Variants in RASEF observed in about 807,000 individuals in gnomAD.
RASEF encodes the protein ras and EF-hand domain-containing protein.
RASEF carries 68 observed loss-of-function variants against 90.1 expected under a neutral mutation model. The ratio of observed to expected loss-of-function variants is 0.75; its 90% CI spans 0.62 to 0.92. The LOEUF (loss-of-function observed/expected upper bound fraction) is 0.92, where lower values mean the gene tolerates loss of function less well. RASEF is among the 40% of genes least tolerant of loss of function. RASEF has a pLI of 0.00. For synonymous variants in RASEF, 331 were observed against 345.2 expected (o/e 0.96, Z 0.46); for missense variants, 949 against 937.2 (o/e 1.01, Z -0.16).
chr9:83,056,405 C>T (rs1004276312), intron 1 of RASEF, among the ~76,000 whole-genome samples: 1 of 152,170 alleles, frequency 6.6e-6, no homozygotes, highest in Admixed American at 6.5e-5. Context: ...TCCCATTTCC[C>T]TCTTCTGACT....
At chr9:83,143,232 G>T in the RASEF span, among the ~76,000 whole-genome samples, 2 of 152,092 alleles carry the variant, frequency 1.3e-5, no homozygotes, top group Admixed American at 6.6e-5. Flanking sequence ...TTGACAAGTG[G>T]TACCTAATTA....
chr9:83,000,803 T>C, intron 10 of RASEF, 93 bp downstream of exon 10: 1 of 1,163,564 alleles, frequency 8.6e-7, no homozygotes, highest in Non-Finnish European at 1.2e-6. Flanking sequence ...CTATGACCTT[T>C]AAAACAGATT....
At chr9:82,998,939 C>T (rs1024977070) in intron 12 of RASEF, among the ~76,000 whole-genome samples, 1 of 152,048 alleles carries the variant, frequency 6.6e-6, no homozygotes. Context: ...TGTATATATA[C>T]ACACGTTAGT....
At chr9:83,102,244 T>C in the RASEF span, among the ~76,000 whole-genome samples, 382 of 152,168 alleles carry the variant, frequency 2.5e-3, 3 homozygotes, top group African/African-American at 8.7e-3. Context: ...GCCCAGCTAA[T>C]TTTTTGTATT....
chr9:83,091,306 C>A, the RASEF span, among the ~76,000 whole-genome samples: 65 of 152,318 alleles, frequency 4.3e-4, no homozygotes, highest in African/African-American at 1.5e-3. Flanking sequence ...GTGATCCCAG[C>A]ACTTTGGAAG....
rs140659178 is a variant in RASEF at position 83,001,122 on chromosome 9, C to A, written c.1211G>T (p.Arg404Leu). ...PQPLGYDRSS[R>L]SSYVDEDCDS... Reference sequence around the variant, plus strand: ...ACAGTCCTCATCCACATAGGAAGAGCGGGATGACCTGGTAATAAAGGGGAA... The same window carrying A: ...ACAGTCCTCATCCACATAGGAAGAGAGGGATGACCTGGTAATAAAGGGGAA... Residue 404 changes from arginine (R) to leucine (L), a missense_variant, in exon 10 of 17, where the codon CGC (arginine) becomes CTC (leucine). Transcript: ENST00000376447. The A allele has an allele frequency of 2.5e-6, 4 of 1,610,572 alleles. No homozygotes were observed. Among genetic ancestry groups the A allele is most frequent in the South Asian group, 1.1e-5 (1 of 90,986 alleles).
the RASEF span, among the ~76,000 whole-genome samples, chr9:83,196,010 T>C: frequency 6.6e-6 from 1 of 151,436 alleles, no homozygotes; most frequent in Non-Finnish European, 1.5e-5. Flanking sequence ...GACCCGGGGG[T>C]GGCAGTGGAC....
the RASEF span, among the ~76,000 whole-genome samples, chr9:83,114,324 G>A: frequency 6.2e-3 from 949 of 152,066 alleles, 9 homozygotes; most frequent in African/African-American, 0.022. Flanking sequence ...TCTTAATCCC[G>A]TCAACTTCGT....
chr9:83,029,559 ATT>A (rs59621078), intron 1 of RASEF, among the ~76,000 whole-genome samples: 2,892 of 130,308 alleles, frequency 0.022, 80 homozygotes, highest in African/African-American at 0.072. Flanking sequence ...CACCAAACTA[ATT>A]TTTTTTTTTT....
chr9:83,105,074 G>T, the RASEF span, among the ~76,000 whole-genome samples: 1 of 152,156 alleles, frequency 6.6e-6, no homozygotes, highest in African/African-American at 2.4e-5. Flanking sequence ...AATTTTCATT[G>T]TTAACTGGGA....
At chr9:83,192,966 T>G in the RASEF span, among the ~76,000 whole-genome samples, 1 of 152,174 alleles carries the variant, frequency 6.6e-6, no homozygotes, top group Admixed American at 6.5e-5. Flanking sequence ...AGGATTCTAG[T>G]GAGAAACAGG....
intron 1 of RASEF, among the ~76,000 whole-genome samples, chr9:83,035,691 G>C (rs552702508): frequency 3.3e-5 from 5 of 151,928 alleles, no homozygotes; most frequent in Non-Finnish European, 5.9e-5. Flanking sequence ...TAGTGTTAGC[G>C]CAAGTAGGTA....
the RASEF span, among the ~76,000 whole-genome samples, chr9:83,206,517 T>C: frequency 6.6e-6 from 1 of 152,228 alleles, no homozygotes; most frequent in Non-Finnish European, 1.5e-5. Context: ...AGCTTTTACC[T>C]TTCAGAATAA....
the RASEF span, among the ~76,000 whole-genome samples, chr9:83,190,398 G>A: frequency 2.6e-5 from 4 of 152,046 alleles, no homozygotes; most frequent in African/African-American, 9.7e-5. Context: ...TCGTTCTAGT[G>A]GATCAATGGG....
At chr9:83,135,860 C>A in the RASEF span, among the ~76,000 whole-genome samples, 4 of 152,158 alleles carry the variant, frequency 2.6e-5, no homozygotes, top group South Asian at 8.3e-4. Flanking sequence ...TCCCCTTAAC[C>A]CTTAGTTAAA....
At chr9:83,105,390 G>A in the RASEF span, among the ~76,000 whole-genome samples, 3 of 152,116 alleles carry the variant, frequency 2.0e-5, no homozygotes, top group South Asian at 6.2e-4. Flanking sequence ...ATGACAGGAA[G>A]TCCTACTTGA....
intron 16 of RASEF, among the ~76,000 whole-genome samples, chr9:82,983,107 CCACACACACACACACACACACA>C (rs10539196): frequency 1.3e-4 from 17 of 128,652 alleles, no homozygotes; most frequent in Middle Eastern, 3.9e-3. Context: ...GAGTACCAGG[CCACACACACACACACACACACA>C]CACACACACA....
chr9:83,046,857 A>T (rs1829941674), intron 1 of RASEF, among the ~76,000 whole-genome samples: 1 of 152,234 alleles, frequency 6.6e-6, no homozygotes, highest in Admixed American at 6.5e-5. Context: ...AGGTAGATAC[A>T]GGGAGCTAAC....
chr9:83,161,197 T>C, the RASEF span, among the ~76,000 whole-genome samples: 2 of 152,218 alleles, frequency 1.3e-5, no homozygotes, highest in South Asian at 2.1e-4. Context: ...CACTGACAAT[T>C]TGCACTAATT....
Sources: allele counts gnomAD v4.1 joint callset (sites outside exome capture counted in the v4.1 genomes callset), GRCh38; gene constraint gnomAD v4.1.1; transcripts MANE v1.5; gene names NCBI Gene and HGNC (gene_info 2026-07-23, HGNC 2026-07-21).